Variants in CTIF observed in about 807,000 individuals in gnomAD.
CTIF encodes CBP80/20-dependent translation initiation factor.
CTIF carries 21 observed loss-of-function variants against 66.0 expected under a neutral mutation model. That is an observed-to-expected ratio of 0.32 (90% CI 0.23 to 0.46). CTIF has a LOEUF of 0.46. Among genes scored for constraint, CTIF ranks in the 20% least tolerant of loss-of-function variants. The pLI is 1.00. For synonymous variants in CTIF, 345 were observed against 326.4 expected, an observed-to-expected ratio of 1.06 and a Z score of -0.62; for missense variants, 739 against 812.7, an observed-to-expected ratio of 0.91 and a Z score of 1.10.
intron 1 of CTIF, among the ~76,000 whole-genome samples, chr18:48,572,546 C>G (rs1175142885): frequency 6.6e-6 from 1 of 152,168 alleles, no homozygotes; most frequent in African/African-American, 2.4e-5. Context: ...GAGCTAGAAG[C>G]AGAATCTGGC....
intron 10 of CTIF, among the ~76,000 whole-genome samples, chr18:48,854,572 C>T (rs192997191): frequency 3.3e-5 from 5 of 152,258 alleles, no homozygotes; most frequent in Non-Finnish European, 7.4e-5. Context: ...CCATGCCTGG[C>T]CAGGTCCCTC....
intron 7 of CTIF, among the ~76,000 whole-genome samples, chr18:48,734,317 G>A (rs957151714): frequency 6.6e-6 from 1 of 152,184 alleles, no homozygotes; most frequent in Non-Finnish European, 1.5e-5. Flanking sequence ...TGTAATCCTA[G>A]CACTTTGGGA....
At chr18:48,539,774 C>G (rs2088561602) in intron 1 of CTIF, 2 of 152,818 alleles carry the variant, frequency 1.3e-5, no homozygotes, top group East Asian at 3.9e-4. Flanking sequence ...TTTGCTGCAT[C>G]GAGCAGTTGG....
chr18:48,617,498 A>C (rs1472416956), intron 1 of CTIF, among the ~76,000 whole-genome samples: 4 of 152,224 alleles, frequency 2.6e-5, no homozygotes, highest in Non-Finnish European at 4.4e-5. Flanking sequence ...CACACCTAGC[A>C]TGTGCCCAGG....
intron 1 of CTIF, among the ~76,000 whole-genome samples, chr18:48,595,060 C>G (rs1316305471): frequency 1.3e-5 from 2 of 152,242 alleles, no homozygotes. Flanking sequence ...CTTCCCTTCC[C>G]TGTCTCGAAG....
In CTIF at chr18:48,791,146, A is replaced by G. The variant is rs569211977; in HGVS notation, c.1372-26075A>G. 3.3e-5 allele frequency among the ~76,000 whole-genome samples: 5 copies of G among 152,292 alleles called. No homozygotes were observed. The East Asian group carries it at 7.7e-4, about 24-fold the overall frequency. ...AGAGGGGTTGACACCAGGCCAAAGG[A>G]GGGACACATGTCCACAGATAGCTCC... On this transcript the variant is annotated intron_variant, in intron 9 of 11. Coordinates refer to ENST00000256413, the MANE Select transcript of CTIF (RefSeq NM_014772.3).
chr18:48,775,552 T>G (rs1910593069), intron 9 of CTIF, among the ~76,000 whole-genome samples: 1 of 152,256 alleles, frequency 6.6e-6, no homozygotes, highest in African/African-American at 2.4e-5. Flanking sequence ...GCCCTGGGAC[T>G]GGCCTGGAGG....
rs192662138 is a variant in CTIF at position 48,625,091 on chromosome 18, C to T, written c.180+5346C>T. 613 of 322,090 alleles carry T rather than the reference C, an allele frequency of 1.9e-3. 3 individuals carry two copies. Among genetic ancestry groups the T allele is most frequent in the Middle Eastern group, 9.9e-3 (6 of 606 alleles). 20.0% of individuals were successfully genotyped at this position (322,090 alleles called of 1,614,324 possible). On this transcript the variant is annotated intron_variant, in intron 2 of 11. Transcript: ENST00000256413. ...TCTTTACGTCTCTCCTTTCATTCTG[C>T]CTTCCCTGTTCACTGTTCCCTCGCC...
intron 3 of CTIF, among the ~76,000 whole-genome samples, chr18:48,657,838 G>A (rs1282645708): frequency 6.6e-6 from 1 of 152,144 alleles, no homozygotes; most frequent in African/African-American, 2.4e-5. Flanking sequence ...CTGCTGCTTC[G>A]TGTGCCCTTG....
At chr18:48,699,177 G>C (rs546056837) in intron 6 of CTIF, among the ~76,000 whole-genome samples, 1 of 152,266 alleles carries the variant, frequency 6.6e-6, no homozygotes, top group Non-Finnish European at 1.5e-5. Flanking sequence ...GTCAGACCCA[G>C]TGTCTCAGTC....
At chr18:48,712,713 G>A (rs117100016) in intron 7 of CTIF, among the ~76,000 whole-genome samples, 3,949 of 152,296 alleles carry the variant, frequency 0.026, 77 homozygotes, top group Non-Finnish European at 0.038. Flanking sequence ...GAACCCTAGC[G>A]GCGCCTGTGC....
At chr18:48,697,633 A>G (rs934744558) in intron 6 of CTIF, among the ~76,000 whole-genome samples, 8 of 152,196 alleles carry the variant, frequency 5.3e-5, no homozygotes, top group Non-Finnish European at 8.8e-5. Flanking sequence ...TCCAAATGCC[A>G]GGGCAGGAAC....
chr18:48,859,228 G>A, intron 11 of CTIF, 116 bp from the exon 12 acceptor site: 1 of 841,146 alleles, frequency 1.2e-6, no homozygotes, highest in Non-Finnish European at 2.0e-6. Context: ...CAGGGGTCTG[G>A]GCCTGTGTGT....
intron 2 of CTIF, among the ~76,000 whole-genome samples, chr18:48,626,204 A>G (rs939123247): frequency 2.6e-5 from 4 of 151,692 alleles, no homozygotes; most frequent in Admixed American, 1.3e-4. Context: ...GTTTCACCAT[A>G]TTGATCAGGT....
chr18:48,603,369 A>AGATGGATGTATGGATG (rs1555652727), intron 1 of CTIF, among the ~76,000 whole-genome samples: 1 of 123,342 alleles, frequency 8.1e-6, no homozygotes, highest in African/African-American at 3.5e-5. Context: ...ATAGGTGGGT[A>AGATGGATGTATGGATG]GATGGATGGA....
At chr18:48,608,959 G>T (rs150430010) in intron 1 of CTIF, among the ~76,000 whole-genome samples, 2 of 152,232 alleles carry the variant, frequency 1.3e-5, no homozygotes, top group Non-Finnish European at 2.9e-5. Flanking sequence ...CCAGGTGCTT[G>T]TGGACACATT....
At chr18:48,563,860 G>T (rs1291733794) in intron 1 of CTIF, among the ~76,000 whole-genome samples, 1 of 152,212 alleles carries the variant, frequency 6.6e-6, no homozygotes, top group African/African-American at 2.4e-5. Context: ...ATTGAGTGGG[G>T]TGGGGTCTTC....
chr18:48,662,447 C>G (rs1354589160), intron 3 of CTIF: 1 of 152,066 alleles, frequency 6.6e-6, no homozygotes, highest in African/African-American at 2.4e-5. Context: ...GAGGGACTTG[C>G]CCAGAGTCAG....
chr18:48,855,425 C>T (rs1236333647), intron 10 of CTIF, among the ~76,000 whole-genome samples: 2 of 152,234 alleles, frequency 1.3e-5, no homozygotes, highest in Non-Finnish European at 2.9e-5. Flanking sequence ...TCCATAAAAG[C>T]AGTGAATCAC....
Sources: gnomAD v4.1 joint callset for allele counts (sites outside exome capture counted in the v4.1 genomes callset) on GRCh38, gnomAD v4.1.1 for gene constraint, MANE v1.5 for transcripts, NCBI Gene and HGNC (gene_info 2026-07-23, HGNC 2026-07-21) for gene names.